The following FSTL5 variants were observed in gnomAD, a reference collection of about 807,000 sequenced individuals.
FSTL5 encodes the protein follistatin like 5, also known as follistatin-related protein 5.
FSTL5 carries 62 observed loss-of-function variants against 89.1 expected under a neutral mutation model. The ratio of observed to expected loss-of-function variants is 0.70; its 90% CI spans 0.57 to 0.86. The LOEUF (loss-of-function observed/expected upper bound fraction) is 0.86, where lower values mean the gene tolerates loss of function less well. Ranked by LOEUF, FSTL5 falls within the 40% of genes least tolerant of loss-of-function variation. The pLI is 0.00. For synonymous variants in FSTL5, 383 were observed against 346.2 expected (o/e 1.11, Z -1.18); for missense variants, 1,057 against 1,001.6 (o/e 1.06, Z -0.75).
intron 4 of FSTL5, among the ~76,000 whole-genome samples, chr4:161,844,574 G>A (rs932360743): frequency 1.3e-5 from 2 of 152,144 alleles, no homozygotes; most frequent in African/African-American, 4.8e-5. Context: ...TAAACAAAAT[G>A]TGGTACATAT....
At chr4:161,421,201 C>T (rs942238058) in intron 15 of FSTL5, among the ~76,000 whole-genome samples, 6 of 152,014 alleles carry the variant, frequency 3.9e-5, no homozygotes, top group African/African-American at 7.2e-5. Flanking sequence ...ATTAGCCGGG[C>T]GTGGTGGTGT....
intron 15 of FSTL5, among the ~76,000 whole-genome samples, chr4:161,446,873 A>G (rs1025670056): frequency 3.4e-4 from 51 of 152,050 alleles, no homozygotes; most frequent in African/African-American, 1.1e-3. Flanking sequence ...TAATCTCTGC[A>G]ACCACATAAT....
At chr4:161,796,744 T>C (rs1405916410) in intron 4 of FSTL5, among the ~76,000 whole-genome samples, 1 of 151,658 alleles carries the variant, frequency 6.6e-6, no homozygotes, top group African/African-American at 2.4e-5. Context: ...TTATTATACA[T>C]ATTTATTATA....
At chr4:161,975,677 G>C (rs181884592) in intron 3 of FSTL5, among the ~76,000 whole-genome samples, 4 of 150,484 alleles carry the variant, frequency 2.7e-5, no homozygotes, top group Admixed American at 2.7e-4. Context: ...TGGGTGCAGC[G>C]CACCAGCATG....
chr4:161,834,313 G>T (rs1024588365), intron 4 of FSTL5, among the ~76,000 whole-genome samples: 48 of 152,072 alleles, frequency 3.2e-4, no homozygotes, highest in Non-Finnish European at 5.9e-4. Flanking sequence ...AAAATAACAA[G>T]AGTTATCTAT....
At chr4:161,559,350 TCTC>T (rs1162396548) in intron 8 of FSTL5, among the ~76,000 whole-genome samples, 2 of 151,776 alleles carry the variant, frequency 1.3e-5, no homozygotes, top group South Asian at 2.1e-4. Context: ...TGTTCTTTCT[TCTC>T]CTTTGCTTTC....
At chr4:161,768,176 G>C (rs1741084329) in intron 5 of FSTL5, among the ~76,000 whole-genome samples, 4 of 152,058 alleles carry the variant, frequency 2.6e-5, no homozygotes, top group Admixed American at 2.6e-4. Flanking sequence ...ACAGAGACCA[G>C]GAATTTCCAC....
chr4:161,465,983 G>T (rs1029094045), intron 13 of FSTL5, among the ~76,000 whole-genome samples: 1 of 152,106 alleles, frequency 6.6e-6, no homozygotes, highest in African/African-American at 2.4e-5. Flanking sequence ...TGAAGTTCTA[G>T]AATCTACATT....
chr4:161,884,207 A>T (rs1732727777), intron 4 of FSTL5, among the ~76,000 whole-genome samples: 3 of 151,720 alleles, frequency 2.0e-5, no homozygotes, highest in Admixed American at 2.0e-4. Context: ...GTACCACCAC[A>T]CCTGGCTAAT....
intron 1 of FSTL5, among the ~76,000 whole-genome samples, chr4:162,129,903 C>G (rs532476284): frequency 6.6e-6 from 1 of 152,264 alleles, no homozygotes; most frequent in Non-Finnish European, 1.5e-5. Context: ...GAGATTTACT[C>G]ATCACAAGAT....
chr4:161,537,523 C>T (rs1256085223), intron 10 of FSTL5, among the ~76,000 whole-genome samples: 1 of 152,190 alleles, frequency 6.6e-6, no homozygotes, highest in Non-Finnish European at 1.5e-5. Context: ...TCAGCATCCC[C>T]ACCCTATCTC....
chr4:161,705,048 TTATG>T (rs1212646808), intron 6 of FSTL5, among the ~76,000 whole-genome samples: 2 of 152,118 alleles, frequency 1.3e-5, no homozygotes, highest in African/African-American at 4.8e-5. Context: ...AGCATCATAT[TTATG>T]TCTCTATTTA....
rs773050251 is a variant in FSTL5 at position 161,510,424 on chromosome 4, A to G, written c.1313T>C (p.Leu438Pro). The change falls in exon 11 of 16, where the codon CTA becomes CCA. Residue 438 changes from leucine to proline, a missense_variant and splice_region_variant. By Grantham distance (98) the Leu-to-Pro change is moderately conservative (BLOSUM62 -3). Transcript: ENST00000306100. ...TTCTTCTCTCCATAATATGTTAGCT[A>G]CTGCAGCATGTTGAAAGAAAAAGAA... ...LFVEDSARKTLANILWREEGL... is the reference protein window; with the variant it reads ...LFVEDSARKTPANILWREEGL... 65 of 1,477,982 alleles carry G rather than the reference A, an allele frequency of 4.4e-5. 1 individual carries two copies. The South Asian group carries it at 7.8e-4, about 18-fold the overall frequency. 91.6% of individuals were successfully genotyped at this position (1,477,982 alleles called of 1,614,324 possible). A position where few individuals can be genotyped will look rare whatever the true frequency, so the allele number is the denominator to read the frequency against.
chr4:162,103,991 GT>G (rs1312014557), intron 2 of FSTL5, among the ~76,000 whole-genome samples: 6 of 152,320 alleles, frequency 3.9e-5, no homozygotes, highest in Non-Finnish European at 8.8e-5. Context: ...TGGGAGCTCT[GT>G]TTTCACTCTA....
At chr4:161,729,547 T>C (rs997335406) in intron 6 of FSTL5, among the ~76,000 whole-genome samples, 1 of 152,190 alleles carries the variant, frequency 6.6e-6, no homozygotes, top group Non-Finnish European at 1.5e-5. Flanking sequence ...TTCAGTGATA[T>C]ATGATTTTTG....
chr4:162,025,679 AAT>A (rs1312484008), intron 3 of FSTL5, among the ~76,000 whole-genome samples: 3 of 152,082 alleles, frequency 2.0e-5, no homozygotes, highest in Admixed American at 1.3e-4. Flanking sequence ...AGTAATTCAA[AAT>A]AGTTATTACC....
chr4:161,743,036 T>C (rs1003035037), intron 6 of FSTL5, among the ~76,000 whole-genome samples: 3 of 152,186 alleles, frequency 2.0e-5, no homozygotes, highest in African/African-American at 7.2e-5. Flanking sequence ...GTTGATAGTG[T>C]TCTTTGATGC....
chr4:161,451,271 A>T (rs1407245330), intron 15 of FSTL5, among the ~76,000 whole-genome samples: 2 of 152,172 alleles, frequency 1.3e-5, no homozygotes, highest in African/African-American at 2.4e-5. Context: ...TTAAAGAAAA[A>T]TTTTTACTAA....
intron 2 of FSTL5, among the ~76,000 whole-genome samples, chr4:162,057,586 C>T (rs1738587145): frequency 6.6e-6 from 1 of 152,098 alleles, no homozygotes; most frequent in Non-Finnish European, 1.5e-5. Context: ...TTAAGCATTC[C>T]TATCATTGCT....
Sources: gnomAD v4.1 joint callset for allele counts (sites outside exome capture counted in the v4.1 genomes callset) on GRCh38, gnomAD v4.1.1 for gene constraint, MANE v1.5 for transcripts, NCBI Gene and HGNC (gene_info 2026-07-23, HGNC 2026-07-21) for gene names.